COPE: variants seen among roughly 807,000 people sequenced by gnomAD.
COPE encodes the protein coat protein complex I subunit epsilon, also known as coatomer subunit epsilon.
COPE carries 19 observed loss-of-function variants against 42.1 expected under a neutral mutation model. That is an observed-to-expected ratio of 0.45 (90% CI 0.31 to 0.66). The LOEUF (loss-of-function observed/expected upper bound fraction) is 0.66, where lower values mean the gene tolerates loss of function less well. Ranked by LOEUF, COPE falls within the 30% of genes least tolerant of loss-of-function variation. The probability of loss-of-function intolerance (pLI) is 0.05; values close to 1 mark genes in which losing one functional copy is unlikely to be tolerated. For synonymous variants in COPE, 195 were observed against 181.3 expected (o/e 1.08, Z -0.60); for missense variants, 402 against 416.1 (o/e 0.97, Z 0.30).
chr19:18,907,572 A>G (rs1955986392), intron 3 of COPE, among the ~76,000 whole-genome samples: 1 of 152,100 alleles, frequency 6.6e-6, no homozygotes, highest in Admixed American at 6.5e-5. Context: ...AGTCCCTGAG[A>G]GCCCAGGGTG....
chr19:18,903,032 G>A (rs2056723686), intron 7 of COPE, among the ~76,000 whole-genome samples: 1 of 152,040 alleles, frequency 6.6e-6, no homozygotes, highest in Admixed American at 6.6e-5. Context: ...GGACGGCTCA[G>A]ACCACTGAGG....
chr19:18,904,228 G>C (rs1162323486), intron 6 of COPE, among the ~76,000 whole-genome samples: 1 of 152,266 alleles, frequency 6.6e-6, no homozygotes, highest in Non-Finnish European at 1.5e-5. Flanking sequence ...GCCTCCCGAA[G>C]TGCTGGGATT....
chr19:18,901,147 A>G (rs535137037), intron 7 of COPE, among the ~76,000 whole-genome samples: 1 of 152,270 alleles, frequency 6.6e-6, no homozygotes, highest in South Asian at 2.1e-4. Context: ...AAAACCCAGC[A>G]AGAATGCAGG....
chr19:18,911,443 C>A (rs1049092376), intron 2 of COPE: 10 of 232,192 alleles, frequency 4.3e-5, no homozygotes, highest in Non-Finnish European at 8.0e-5. Flanking sequence ...ATGCCCCCAG[C>A]CAGCCCTGCC....
intron 3 of COPE, among the ~76,000 whole-genome samples, chr19:18,909,435 G>A (rs1340999981): frequency 1.3e-5 from 2 of 152,144 alleles, no homozygotes; most frequent in East Asian, 3.8e-4. Context: ...TCTGGTGGCT[G>A]CTGGCCACTC....
intron 8 of COPE, 102 bp from the exon 9 acceptor site, chr19:18,900,049 A>AG: frequency 1.1e-6 from 1 of 875,408 alleles, no homozygotes; most frequent in Non-Finnish European, 1.7e-6. Flanking sequence ...ACAGTACCCC[A>AG]GGGGGCTCCT....
chr19:18,918,277 G>A (rs1259748446), intron 1 of COPE, among the ~76,000 whole-genome samples: 18 of 151,066 alleles, frequency 1.2e-4, no homozygotes, highest in African/African-American at 4.4e-4. Flanking sequence ...TAAGCACAAC[G>A]AAGAGACACA....
chr19:18,909,914 C>T (rs1287267178), intron 3 of COPE, among the ~76,000 whole-genome samples: 1 of 152,148 alleles, frequency 6.6e-6, no homozygotes, highest in Non-Finnish European at 1.5e-5. Context: ...CGGCAAAGAC[C>T]CTTTTTCCAA....
intron 7 of COPE, among the ~76,000 whole-genome samples, chr19:18,901,527 C>T (rs995568172): frequency 7.7e-4 from 118 of 152,296 alleles, no homozygotes; most frequent in Non-Finnish European, 1.5e-4. Context: ...TGGGGCCAGC[C>T]TGATACCCCT....
Position 18,905,476 on chromosome 19 carries a change from G to A in COPE, c.497+100C>T, listed in dbSNP as rs1800813800. On this transcript the variant is annotated intron_variant, in intron 5 of 9. Transcript: ENST00000262812. ...CCCCCATGGAAAGGAAAGACAACAA[G>A]AGTAATGACAGCACCACAGACGCTC... 4 of 1,212,032 alleles carry A rather than the reference G, an allele frequency of 3.3e-6. No homozygotes were observed. The African/African-American group carries it at 4.6e-5, about 14-fold the overall frequency. 75.1% of individuals were successfully genotyped at this position (1,212,032 alleles called of 1,614,324 possible).
chr19:18,900,045 C>A, intron 8 of COPE, 98 bp from the exon 9 acceptor site: 1 of 1,015,314 alleles, frequency 9.8e-7, no homozygotes, highest in South Asian at 1.5e-5. Flanking sequence ...AGCCACAGTA[C>A]CCCAGGGGGC....
At chr19:18,906,787 T>A in intron 4 of COPE, 173 bp downstream of exon 4, 1 of 678,644 alleles carries the variant, frequency 1.5e-6, no homozygotes, top group East Asian at 3.0e-5. Flanking sequence ...CAGATGGGAG[T>A]GCCTCCCACA....
At chr19:18,906,462 G>C (rs1028567769) in intron 4 of COPE, 5 of 161,518 alleles carry the variant, frequency 3.1e-5, no homozygotes, top group African/African-American at 1.2e-4. Context: ...GGCACTGCAG[G>C]GACAGCTCAC....
chr19:18,900,461 G>A lies in COPE; in HGVS notation c.736-12C>T. ...GGGTAGCCACTATCCTGGAGACACA[G>A]GCAGACACGGGGAGGCAGGGTCAGC... is the stretch of plus-strand genomic sequence containing the variant. On this transcript the variant is annotated splice_polypyrimidine_tract_variant and intron_variant, in intron 7 of 9. Coordinates refer to ENST00000262812, the MANE Select transcript of COPE (RefSeq NM_007263.4). The A allele has an allele frequency of 1.3e-6, 2 of 1,544,636 alleles. No individual in the cohort carries two copies. The highest frequency in any genetic ancestry group is 1.7e-6 in the Non-Finnish European group (2 of 1,143,024).
chr19:18,916,937 C>A (rs1350713375), intron 1 of COPE, among the ~76,000 whole-genome samples: 1 of 121,630 alleles, frequency 8.2e-6, no homozygotes, highest in African/African-American at 3.2e-5. Flanking sequence ...AGAGTGAGAT[C>A]CTGTCTCAAA....
At position 18,899,590 on chromosome 19, in the gene COPE, G is replaced by A. The variant is rs2056675478; in HGVS notation, c.*89C>T. 7.1e-7 allele frequency: 1 copy of A among 1,414,786 alleles called. No individual in the cohort carries two copies. Among genetic ancestry groups the A allele is most frequent in the Admixed American group, 1.7e-5 (1 of 57,836 alleles). 87.6% of individuals were successfully genotyped at this position (1,414,786 alleles called of 1,614,324 possible). On this transcript the variant is annotated 3_prime_UTR_variant, in exon 10 of 10. Transcript: ENST00000262812. ...GGGGTGGGCTCCTGCCCCCAGAGGG[G>A]ATGCAGGTGGATGCCGGGTGGGGAG...
intron 1 of COPE, among the ~76,000 whole-genome samples, chr19:18,915,553 C>G (rs989062691): frequency 6.6e-6 from 1 of 152,188 alleles, no homozygotes; most frequent in African/African-American, 2.4e-5. Context: ...GGGCTCACTA[C>G]GATCACCTGG....
At chr19:18,908,799 G>T (rs899136389) in intron 3 of COPE, among the ~76,000 whole-genome samples, 1 of 151,826 alleles carries the variant, frequency 6.6e-6, no homozygotes, top group African/African-American at 2.4e-5. Context: ...TTACAGGTGT[G>T]AGCCACTGCG....
At chr19:18,905,719 G>C in intron 4 of COPE, 90 bp from the exon 5 acceptor site, 4 of 1,380,704 alleles carry the variant, frequency 2.9e-6, no homozygotes, top group South Asian at 1.3e-5. Flanking sequence ...GTGTGTCTGG[G>C]ATGTTCCTAA....
Sources: gnomAD v4.1 joint callset for allele counts (sites outside exome capture counted in the v4.1 genomes callset) on GRCh38, gnomAD v4.1.1 for gene constraint, MANE v1.5 for transcripts, NCBI Gene and HGNC (gene_info 2026-07-23, HGNC 2026-07-21) for gene names.